The following CDYL variants were observed in gnomAD, a reference collection of about 807,000 sequenced individuals.
CDYL encodes the protein chromodomain Y-like protein.
Under a neutral mutation model 47.3 loss-of-function variants are expected in CDYL, and 8 were observed. The observed-to-expected ratio is 0.17, with a 90% CI of 0.10 to 0.31. The LOEUF is 0.31. Ranked by LOEUF, CDYL falls within the 10% of genes least tolerant of loss-of-function variation. CDYL has a pLI of 1.00. For synonymous variants in CDYL, 266 were observed against 265.0 expected (o/e 1.00, Z -0.04); for missense variants, 471 against 701.4 (o/e 0.67, Z 3.71).
Position 4,892,394 on chromosome 6 carries a change from A to T in CDYL, c.691+15A>T. On this transcript the variant is annotated intron_variant, in intron 2 of 6. Transcript: ENST00000397588. Reference sequence around the variant, plus strand: ...TAACGGGAAAGGTGAGTGTCTAGGGAGCTGCTCAGGCTCCGTGGTGATCCC... The same window carrying T: ...TAACGGGAAAGGTGAGTGTCTAGGGTGCTGCTCAGGCTCCGTGGTGATCCC... 1 of 1,587,314 alleles carries T rather than the reference A, an allele frequency of 6.3e-7. No homozygotes were observed.
At chr6:4,950,268 A>G (rs571926607) in intron 5 of CDYL, among the ~76,000 whole-genome samples, 1 of 152,272 alleles carries the variant, frequency 6.6e-6, no homozygotes, top group Middle Eastern at 3.4e-3. Flanking sequence ...GCCCTTTGTG[A>G]TTGAACCGCA....
At chr6:4,929,493 T>TACACACAC (rs71540836) in intron 2 of CDYL, among the ~76,000 whole-genome samples, 10,927 of 143,902 alleles carry the variant, frequency 0.076, 461 homozygotes, top group East Asian at 0.12. Flanking sequence ...ATGTTTTACT[T>TACACACAC]ACACACACAC....
chr6:4,904,868 C>T (rs1350146770), intron 2 of CDYL, among the ~76,000 whole-genome samples: 1 of 152,096 alleles, frequency 6.6e-6, no homozygotes, highest in Non-Finnish European at 1.5e-5. Context: ...TGCACTGTGT[C>T]CCCCTCATCC....
intron 1 of CDYL, among the ~76,000 whole-genome samples, chr6:4,851,661 C>T (rs753840764): frequency 5.3e-5 from 8 of 152,248 alleles, no homozygotes; most frequent in Non-Finnish European, 1.2e-4. Flanking sequence ...ACTGCATTCG[C>T]AGACGCATTG....
At chr6:4,755,582 C>A (rs1372209818) in intron 3 of CDYL, among the ~76,000 whole-genome samples, 1 of 152,172 alleles carries the variant, frequency 6.6e-6, no homozygotes, top group Middle Eastern at 3.2e-3. Flanking sequence ...ACCTCAAATT[C>A]ATTGTGTCAA....
intron 1 of CDYL, among the ~76,000 whole-genome samples, chr6:4,789,589 G>T (rs1758863146): frequency 6.6e-6 from 1 of 152,190 alleles, no homozygotes; most frequent in Non-Finnish European, 1.5e-5. Flanking sequence ...GAGGAGCTCT[G>T]CAGTGCTCTG....
chr6:4,764,535 A>G (rs1758223588), intron 3 of CDYL, among the ~76,000 whole-genome samples: 1 of 152,068 alleles, frequency 6.6e-6, no homozygotes, highest in South Asian at 2.1e-4. Context: ...TGATCTGTCC[A>G]CCTCAGCCTC....
At chr6:4,840,437 A>G (rs939000800) in intron 1 of CDYL, among the ~76,000 whole-genome samples, 8 of 152,084 alleles carry the variant, frequency 5.3e-5, no homozygotes, top group Non-Finnish European at 1.0e-4. Flanking sequence ...GACTTGCAGT[A>G]TGTTGAATAG....
At chr6:4,859,496 A>G (rs571983735) in intron 1 of CDYL, among the ~76,000 whole-genome samples, 3 of 152,234 alleles carry the variant, frequency 2.0e-5, no homozygotes, top group Admixed American at 2.0e-4. Flanking sequence ...CCAGAGCGCT[A>G]CCACACTCAC....
At chr6:4,778,713 ATAAAT>A (rs557001926) in intron 1 of CDYL, among the ~76,000 whole-genome samples, 40 of 152,372 alleles carry the variant, frequency 2.6e-4, no homozygotes, top group Admixed American at 1.5e-3. Flanking sequence ...AGTTCAGGTG[ATAAAT>A]TTAAGTATGT....
chr6:4,713,856 G>A (rs1053879687), intron 1 of CDYL, among the ~76,000 whole-genome samples: 1 of 152,188 alleles, frequency 6.6e-6, no homozygotes, highest in African/African-American at 2.4e-5. Flanking sequence ...CCAAAGTGCT[G>A]AGATTACAGG....
At chr6:4,852,932 G>A (rs991054836) in intron 1 of CDYL, among the ~76,000 whole-genome samples, 2 of 151,916 alleles carry the variant, frequency 1.3e-5, no homozygotes, top group Non-Finnish European at 1.5e-5. Context: ...TTGAGTAGCC[G>A]GGACCAGCTA....
Position 4,839,627 on chromosome 6 carries a change from T to G in CDYL, c.25-52086T>G, listed in dbSNP as rs140027133. Among the ~76,000 whole-genome samples the G allele has an allele frequency of 7.2e-3, 1,101 of 152,366 alleles. 13 individuals carry two copies. The highest frequency in any genetic ancestry group is 0.025 in the African/African-American group (1,053 of 41,586). ...GAGAGATGAGGATCCAGTTTCATTC[T>G]CCTACATGTGGCTTGCCAATTATCC... is the stretch of plus-strand genomic sequence containing the variant. On this transcript the variant is annotated intron_variant, in intron 1 of 6. Coordinates refer to ENST00000397588, the MANE Select transcript of CDYL (RefSeq NM_004824.4).
At chr6:4,749,523 C>G (rs1561835755) in intron 3 of CDYL, among the ~76,000 whole-genome samples, 1 of 152,102 alleles carries the variant, frequency 6.6e-6, no homozygotes. Flanking sequence ...TAAATGTGTT[C>G]TATTTAGGGC....
intron 3 of CDYL, among the ~76,000 whole-genome samples, chr6:4,744,082 G>A (rs1457126695): frequency 6.6e-6 from 1 of 152,194 alleles, no homozygotes; most frequent in Non-Finnish European, 1.5e-5. Context: ...AGAGGCTGGT[G>A]AAGGAGGGGT....
At chr6:4,852,336 C>CTCCT (rs1202537013) in intron 1 of CDYL, among the ~76,000 whole-genome samples, 1 of 139,138 alleles carries the variant, frequency 7.2e-6, no homozygotes, top group Non-Finnish European at 1.6e-5. Context: ...CCTTCCTTCC[C>CTCCT]TCCTTCCTTC....
At position 4,808,985 on chromosome 6, in the gene CDYL, G is replaced by A. The variant is rs146215016; in HGVS notation, c.24+32178G>A. 2.6e-5 allele frequency among the ~76,000 whole-genome samples: 4 copies of A among 152,238 alleles called. No homozygotes were observed. In the East Asian group the frequency reaches 7.7e-4, roughly 29 times the overall value. The stretch of plus-strand genomic sequence containing the variant: ...TGTGGCTTCCAAGCGTGAGAGCTGT[G>A]CACCAGGGTATACACTCAGAAAAGC... On this transcript the variant is annotated intron_variant, in intron 1 of 6. Transcript: ENST00000397588.
intron 1 of CDYL, among the ~76,000 whole-genome samples, chr6:4,873,407 A>T (rs1761529449): frequency 2.6e-5 from 4 of 152,100 alleles, no homozygotes; most frequent in South Asian, 4.1e-4. Context: ...TCCCAATCTC[A>T]TATTGGGGAG....
intron 3 of CDYL, among the ~76,000 whole-genome samples, chr6:4,735,132 C>G (rs1469298353): frequency 6.6e-6 from 1 of 151,806 alleles, no homozygotes; most frequent in Non-Finnish European, 1.5e-5. Context: ...ACTAAAAATA[C>G]AAAATTTGCT....
Sources: allele counts gnomAD v4.1 joint callset (sites outside exome capture counted in the v4.1 genomes callset), GRCh38; gene constraint gnomAD v4.1.1; transcripts MANE v1.5; gene names NCBI Gene and HGNC (gene_info 2026-07-23, HGNC 2026-07-21).